Variants in XK observed in about 807,000 individuals in gnomAD.
The protein encoded by XK is endoplasmic reticulum membrane adapter protein XK.
In XK, 2 loss-of-function variants were observed where a neutral mutation model predicts 14.0. The observed-to-expected ratio is 0.14, with a 90% CI of 0.06 to 0.45. The LOEUF (loss-of-function observed/expected upper bound fraction) is 0.45, where lower values mean the gene tolerates loss of function less well. XK is among the 20% of genes least tolerant of loss of function. The pLI, the probability that XK is intolerant of heterozygous loss-of-function variation, is 0.98. For missense variants in XK, 235 were observed against 341.5 expected, an observed-to-expected ratio of 0.69 and a Z score of 2.46; for synonymous variants, 149 against 147.5, an observed-to-expected ratio of 1.01 and a Z score of -0.08.
intron 2 of XK, among the ~76,000 whole-genome samples, chrX:37,703,417 T>A (rs782396042): frequency 3.7e-4 from 42 of 112,225 alleles, no homozygotes; most frequent in Non-Finnish European, 5.4e-4. Flanking sequence ...GGAGTCTTCA[T>A]GAAAGGAGAG....
chrX:37,687,548 A>G (rs1927109373), intron 1 of XK, among the ~76,000 whole-genome samples: 2 of 109,379 alleles, frequency 1.8e-5, no homozygotes, highest in Admixed American at 9.8e-5. Context: ...TGGGCCTCCT[A>G]AAGTTCTCTC....
intron 2 of XK, among the ~76,000 whole-genome samples, chrX:37,705,759 CTTTT>C (rs1192047392): frequency 4.0e-5 from 4 of 99,927 alleles, no homozygotes; most frequent in Non-Finnish European, 8.2e-5. Context: ...TTCTTTCTTT[CTTTT>C]TTTTTTTGAG....
chrX:37,727,575 C>T (rs1928002483), intron 2 of XK, 61 bp from the exon 3 acceptor site: 2 of 1,016,421 alleles, frequency 2.0e-6, no homozygotes, highest in Admixed American at 4.5e-5. Flanking sequence ...GACAGAGTGT[C>T]TGCTGCAGTA....
intron 2 of XK, among the ~76,000 whole-genome samples, chrX:37,725,200 C>CT (rs1556449774): frequency 2.7e-5 from 3 of 110,900 alleles, no homozygotes. Context: ...TGATGATGGT[C>CT]AAAGGATACA....
At chrX:37,725,930 G>A (rs1927964775) in intron 2 of XK, among the ~76,000 whole-genome samples, 1 of 111,755 alleles carries the variant, frequency 8.9e-6, no homozygotes, top group Non-Finnish European at 1.9e-5. Context: ...AAAGATCAGT[G>A]GTTTCCAGGA....
Position 37,717,838 on chromosome X carries a change from G to T in XK, c.509-9798G>T, listed in dbSNP as rs184000615. Among the ~76,000 whole-genome samples, 23 of 111,836 alleles carry T rather than the reference G, an allele frequency of 2.1e-4. No homozygotes were observed. In the East Asian group the frequency reaches 6.2e-3, roughly 30 times the overall value. ...TAAGAATTTTCTTTTAACAGTACTAGGGTATCATACTGGTTATATCTGCAG... is the reference window on the plus strand; with the variant it reads ...TAAGAATTTTCTTTTAACAGTACTATGGTATCATACTGGTTATATCTGCAG... On this transcript the variant is annotated intron_variant, in intron 2 of 2. Coordinates refer to ENST00000378616, the MANE Select transcript of XK (RefSeq NM_021083.4).
chrX:37,690,777 C>G (rs782748709), intron 1 of XK, among the ~76,000 whole-genome samples: 118 of 112,119 alleles, frequency 1.1e-3, no homozygotes, highest in Middle Eastern at 9.1e-3. Context: ...ATAAATACTT[C>G]ACAGAAAATT....
In XK at chrX:37,715,136, ATG is replaced by A. The variant is rs57217449; in HGVS notation, c.509-12484_509-12483del. On this transcript the variant is annotated intron_variant, in intron 2 of 2. Coordinates refer to ENST00000378616, the MANE Select transcript of XK (RefSeq NM_021083.4). ...TATATATTTCCAAATATATACAAAT[ATG>A]TGTGTGTGTGTGTGTATATATAGTC... is the stretch of plus-strand genomic sequence containing the variant. Among the ~76,000 whole-genome samples the A allele has an allele frequency of 9.1e-4, 99 of 108,335 alleles. No individual in the cohort carries two copies. In the South Asian group the frequency reaches 0.011, roughly 11 times the overall value. The allele number at this position is 108,335 out of a possible 115,157, so 94.1% of individuals were successfully genotyped here.
rs1286193871 is a variant in XK at position 37,730,642 on chromosome X, TC to T, written c.*2181del. 1 of 112,505 alleles carries T rather than the reference TC, an allele frequency of 8.9e-6. No homozygotes were observed. Among genetic ancestry groups the T allele is most frequent in the Non-Finnish European group, 1.9e-5 (1 of 53,268 alleles). The allele number at this position is 112,505 out of a possible 1,213,427, so 9.3% of individuals were successfully genotyped here. A position where few individuals can be genotyped will look rare whatever the true frequency, so the allele number is the denominator to read the frequency against. ...CCTTTTCACCTGAAATGCCTTCAGC[TC>T]AGGCCTTGGGAGTGAGGTGTGGGAG... is the stretch of plus-strand genomic sequence containing the variant. On this transcript the variant is annotated 3_prime_UTR_variant, in exon 3 of 3. Coordinates refer to ENST00000378616, the MANE Select transcript of XK (RefSeq NM_021083.4).
At chrX:37,691,902 G>T (rs1290957177) in intron 1 of XK, among the ~76,000 whole-genome samples, 1 of 111,124 alleles carries the variant, frequency 9.0e-6, no homozygotes, top group Non-Finnish European at 1.9e-5. Context: ...CAGGAGTGAG[G>T]GTCCCTTGAG....
At chrX:37,723,168 G>T (rs1256300606) in intron 2 of XK, among the ~76,000 whole-genome samples, 2 of 111,510 alleles carry the variant, frequency 1.8e-5, no homozygotes, top group African/African-American at 6.5e-5. Context: ...GGGGATGTTA[G>T]ACTTCTGTGA....
chrX:37,722,161 C>T (rs781846207), intron 2 of XK, among the ~76,000 whole-genome samples: 1 of 111,689 alleles, frequency 9.0e-6, no homozygotes, highest in African/African-American at 3.2e-5. Context: ...AAATTGTTCA[C>T]TTTAAATGTT....
chrX:37,723,402 T>C (rs1927917344), intron 2 of XK, among the ~76,000 whole-genome samples: 1 of 111,445 alleles, frequency 9.0e-6, no homozygotes, highest in African/African-American at 3.3e-5. Context: ...CCCAAATGTG[T>C]CTCCCTCCCT....
At chrX:37,690,382 G>A (rs1316205440) in intron 1 of XK, among the ~76,000 whole-genome samples, 7 of 112,175 alleles carry the variant, frequency 6.2e-5, no homozygotes, top group Non-Finnish European at 1.1e-4. Flanking sequence ...TGGCTTATTG[G>A]AAATTATAGT....
chrX:37,694,591 T>G, intron 2 of XK, 43 bp downstream of exon 2: 1 of 1,173,028 alleles, frequency 8.5e-7, no homozygotes, highest in Non-Finnish European at 1.1e-6. Context: ...GGGATCAAAA[T>G]GAGAAGCAAA....
intron 1 of XK, 120 bp downstream of exon 1, chrX:37,686,326 G>A: frequency 8.9e-7 from 1 of 1,122,272 alleles, no homozygotes; most frequent in Non-Finnish European, 1.2e-6. Context: ...TGAGCCCCAA[G>A]CCGGTCCGCC....
chrX:37,728,531 A>G lies in XK; in HGVS notation c.*69A>G. On this transcript the variant is annotated 3_prime_UTR_variant, in exon 3 of 3. Coordinates refer to ENST00000378616, the MANE Select transcript of XK (RefSeq NM_021083.4). ...TTGATACTCGTTATTCATACAAATA[A>G]TGAGCCCTACACAGGGAACAAGGCA... 1 of 1,082,490 alleles carries G rather than the reference A, an allele frequency of 9.2e-7. No individual in the cohort carries two copies. Among genetic ancestry groups the G allele is most frequent in the Non-Finnish European group, 1.3e-6 (1 of 789,375 alleles). The allele number at this position is 1,082,490 out of a possible 1,213,427, so 89.2% of individuals were successfully genotyped here.
intron 2 of XK, among the ~76,000 whole-genome samples, chrX:37,709,679 G>T (rs1556446254): frequency 7.1e-5 from 8 of 111,996 alleles, no homozygotes; most frequent in African/African-American, 1.9e-4. Context: ...AAAATCAATA[G>T]TACAATTTCC....
At chrX:37,720,570 T>C (rs1484991016) in intron 2 of XK, among the ~76,000 whole-genome samples, 1 of 111,085 alleles carries the variant, frequency 9.0e-6, no homozygotes, top group African/African-American at 3.3e-5. Context: ...TTTTGTTACA[T>C]GAATTTATTG....
Sources: allele counts gnomAD v4.1 joint callset (sites outside exome capture counted in the v4.1 genomes callset), GRCh38; gene constraint gnomAD v4.1.1; transcripts MANE v1.5; gene names NCBI Gene and HGNC (gene_info 2026-07-23, HGNC 2026-07-21).